PPP1R16B: variants seen among roughly 807,000 people sequenced by gnomAD.
The protein encoded by PPP1R16B is protein phosphatase 1 regulatory inhibitor subunit 16B.
In PPP1R16B, 14 loss-of-function variants were observed where a neutral mutation model predicts 61.7. That is an observed-to-expected ratio of 0.23 (90% CI 0.15 to 0.35). The LOEUF (loss-of-function observed/expected upper bound fraction) is 0.35. PPP1R16B is among the 10% of genes least tolerant of loss of function. PPP1R16B has a pLI of 1.00. For missense variants in PPP1R16B, 547 were observed against 752.5 expected, an observed-to-expected ratio of 0.73 and a Z score of 3.19; for synonymous variants, 266 against 305.3, an observed-to-expected ratio of 0.87 and a Z score of 1.34.
At chr20:38,834,798 AT>A (rs2084858991) in intron 1 of PPP1R16B, among the ~76,000 whole-genome samples, 2 of 152,190 alleles carry the variant, frequency 1.3e-5, no homozygotes, top group Admixed American at 6.5e-5. Flanking sequence ...TCTATAACAT[AT>A]TTTTATTAGA....
intron 1 of PPP1R16B, among the ~76,000 whole-genome samples, chr20:38,813,098 G>A (rs1461989658): frequency 6.6e-6 from 1 of 152,218 alleles, no homozygotes; most frequent in African/African-American, 2.4e-5. Context: ...AATGCAGCCT[G>A]TTGTGCCTGT....
intron 2 of PPP1R16B, among the ~76,000 whole-genome samples, chr20:38,872,228 C>T (rs1222377148): frequency 6.6e-6 from 1 of 152,168 alleles, no homozygotes; most frequent in Non-Finnish European, 1.5e-5. Flanking sequence ...TTGAATGCCT[C>T]CTGCACTGGG....
At position 38,859,355 on chromosome 20, in the gene PPP1R16B, G is replaced by T. The variant is rs567471968; in HGVS notation, c.250+23180G>T. Among the ~76,000 whole-genome samples the T allele has an allele frequency of 3.3e-5, 5 of 152,008 alleles. No individual in the cohort carries two copies. The East Asian group carries it at 9.7e-4, about 29-fold the overall frequency. On this transcript the variant is annotated intron_variant, in intron 2 of 10. Coordinates refer to ENST00000299824, the MANE Select transcript of PPP1R16B (RefSeq NM_015568.4). Reference sequence around the variant, plus strand: ...TGTTCTGAAATCGATTGTGGTGGTGGTTGCAACTCTGTGCAACCATCAAAG... The same window carrying T: ...TGTTCTGAAATCGATTGTGGTGGTGTTTGCAACTCTGTGCAACCATCAAAG...
At chr20:38,895,351 A>T (rs1157198223) in intron 3 of PPP1R16B, among the ~76,000 whole-genome samples, 1 of 152,126 alleles carries the variant, frequency 6.6e-6, no homozygotes, top group Non-Finnish European at 1.5e-5. Context: ...TATTAACTTC[A>T]TTTTTACTCA....
chr20:38,835,748 G>A, intron 1 of PPP1R16B, 77 bp from the exon 2 acceptor site: 2 of 726,768 alleles, frequency 2.8e-6, no homozygotes, highest in Non-Finnish European at 4.3e-6. Flanking sequence ...TTTCGAACAC[G>A]GGGCGTTGGG....
intron 2 of PPP1R16B, among the ~76,000 whole-genome samples, chr20:38,845,404 G>A (rs1439923773): frequency 6.6e-6 from 1 of 152,140 alleles, no homozygotes; most frequent in Non-Finnish European, 1.5e-5. Flanking sequence ...CTGTGATGGT[G>A]CCACTATACT....
intron 2 of PPP1R16B, among the ~76,000 whole-genome samples, chr20:38,880,830 T>C (rs2085198636): frequency 6.6e-6 from 1 of 152,218 alleles, no homozygotes; most frequent in African/African-American, 2.4e-5. Flanking sequence ...AATATATACC[T>C]AGGAGTAGAA....
At chr20:38,832,027 T>A (rs1167089892) in intron 1 of PPP1R16B, among the ~76,000 whole-genome samples, 1 of 152,242 alleles carries the variant, frequency 6.6e-6, no homozygotes, top group African/African-American at 2.4e-5. Context: ...TCTCAGCTCG[T>A]GTCTGCTCCT....
At chr20:38,850,449 G>A (rs1011641747) in intron 2 of PPP1R16B, among the ~76,000 whole-genome samples, 7 of 152,112 alleles carry the variant, frequency 4.6e-5, no homozygotes, top group African/African-American at 1.4e-4. Context: ...AATATTCACC[G>A]GCAGTTTCTA....
rs149826405 is a variant in PPP1R16B at position 38,903,887 on chromosome 20, T to C, written c.696+1095T>C. The stretch of plus-strand genomic sequence containing the variant: ...TGTAAGTCAAAATTCAGAGCATGGC[T>C]ATGGCAGCCTACCCCACTGACTGGG... On this transcript the variant is annotated intron_variant, in intron 6 of 10. Coordinates refer to ENST00000299824, the MANE Select transcript of PPP1R16B (RefSeq NM_015568.4). Among the ~76,000 whole-genome samples the C allele has an allele frequency of 9.0e-4, 137 of 152,298 alleles. 2 individuals are homozygous for C. The highest frequency in any genetic ancestry group is 3.3e-3 in the African/African-American group (136 of 41,564).
rs779141498 is a variant in PPP1R16B at position 38,907,016 on chromosome 20, G to C, written c.860G>C (p.Ser287Thr). 1 of 1,614,036 alleles carries C rather than the reference G, an allele frequency of 6.2e-7. No homozygotes were observed. The highest frequency in any genetic ancestry group is 8.5e-7 in the Non-Finnish European group (1 of 1,179,900). Reference protein sequence around the residue: ...MAELLVSHGASLSARTSMDEM... With the variant: ...MAELLVSHGATLSARTSMDEM... ...GAGCTATTGGTGTCCCATGGAGCTA[G>C]TCTCAGTGCAAGGACATCCATGGAT... Residue 287 changes from serine (S) to threonine (T), a missense_variant, in exon 8 of 11, where the codon AGT (serine) becomes ACT (threonine). Physicochemically the swap from Ser to Thr is moderately conservative, Grantham distance 58. Coordinates refer to ENST00000299824, the MANE Select transcript of PPP1R16B (RefSeq NM_015568.4). The surrounding 1 kb of genome is among the most constrained non-coding windows in gnomAD (Gnocchi z 4.5).
At chr20:38,849,441 T>C (rs2084953545) in intron 2 of PPP1R16B, among the ~76,000 whole-genome samples, 1 of 152,210 alleles carries the variant, frequency 6.6e-6, no homozygotes, top group South Asian at 2.1e-4. Context: ...TTTGTGACCA[T>C]GCTCTACTCT....
rs1568678864 is a variant in PPP1R16B, at chr20:38,895,847, CCTTCCTTCTTTCTTCCCTCCCTCCCT to C, written c.467+139_467+164del. ...TTCCTTCTTTCTCTCCTCCCTTCCT[CCTTCCTTCTTTCTTCCCTCCCTCCCT>C]CCTTCCTTCTTTCTTCCCTCCCTCC... On this transcript the variant is annotated intron_variant, in intron 4 of 10. Coordinates refer to ENST00000299824, the MANE Select transcript of PPP1R16B (RefSeq NM_015568.4). 8 of 836,986 alleles carry C rather than the reference CCTTCCTTCTTTCTTCCCTCCCTCCCT, an allele frequency of 9.6e-6. 1 individual carries two copies. The highest frequency in any genetic ancestry group is 6.2e-5 in the East Asian group (2 of 32,514). The allele number at this position is 836,986 out of a possible 1,614,324, so 51.8% of individuals were successfully genotyped here.
chr20:38,901,463 G>A (rs903868991), intron 5 of PPP1R16B, among the ~76,000 whole-genome samples: 2 of 152,210 alleles, frequency 1.3e-5, no homozygotes, highest in South Asian at 2.1e-4. Context: ...AGGCTAGAGT[G>A]CAATGGCACA....
At chr20:38,855,894 A>G (rs1165239399) in intron 2 of PPP1R16B, among the ~76,000 whole-genome samples, 1 of 134,678 alleles carries the variant, frequency 7.4e-6, no homozygotes, top group Non-Finnish European at 1.6e-5. Context: ...GTCCAGGAAG[A>G]GACAGTTTCC....
intron 1 of PPP1R16B, among the ~76,000 whole-genome samples, chr20:38,835,134 C>T (rs1360114489): frequency 6.6e-6 from 1 of 152,216 alleles, no homozygotes; most frequent in Non-Finnish European, 1.5e-5. Context: ...CCAGACCACA[C>T]TTTGAGAAGC....
intron 2 of PPP1R16B, among the ~76,000 whole-genome samples, chr20:38,868,571 C>T (rs942551599): frequency 1.1e-4 from 16 of 152,042 alleles, no homozygotes; most frequent in Non-Finnish European, 2.2e-4. Flanking sequence ...TTAGTACAGA[C>T]GGGGTTTCAC....
chr20:38,900,491 A>T, intron 4 of PPP1R16B, 90 bp from the exon 5 acceptor site: 1 of 948,374 alleles, frequency 1.1e-6, no homozygotes, highest in Non-Finnish European at 1.6e-6. Flanking sequence ...GTTGTACAGT[A>T]GGATTGCAGG....
intron 2 of PPP1R16B, among the ~76,000 whole-genome samples, chr20:38,881,158 G>A (rs1415086783): frequency 3.9e-5 from 6 of 152,140 alleles, no homozygotes; most frequent in African/African-American, 4.8e-5. Context: ...GCAGAGGGGC[G>A]GGCTGCACCA....
Sources: gnomAD v4.1 joint callset for allele counts (sites outside exome capture counted in the v4.1 genomes callset) on GRCh38, gnomAD v4.1.1 for gene constraint, Gnocchi (gnomAD v3.1) non-coding constraint, MANE v1.5 for transcripts, NCBI Gene and HGNC (gene_info 2026-07-23, HGNC 2026-07-21) for gene names.